TEX11: variants seen among roughly 807,000 people sequenced by gnomAD.
TEX11 encodes testis-expressed protein 11.
A neutral mutation model predicts 84.4 loss-of-function variants in TEX11; 7 were observed. The ratio of observed to expected loss-of-function variants is 0.08; its 90% CI spans 0.05 to 0.16. TEX11 has a LOEUF of 0.16. Among genes scored for constraint, TEX11 ranks in the 10% least tolerant of loss-of-function variants. The pLI, the probability that TEX11 is intolerant of heterozygous loss-of-function variation, is 1.00. For missense variants in TEX11, 551 were observed against 660.5 expected, an observed-to-expected ratio of 0.83 and a Z score of 1.82; for synonymous variants, 264 against 222.8, an observed-to-expected ratio of 1.18 and a Z score of -1.64.
chrX:70,732,883 G>A (rs983050054), intron 11 of TEX11, among the ~76,000 whole-genome samples: 5 of 111,689 alleles, frequency 4.5e-5, no homozygotes, highest in Admixed American at 9.6e-5. Context: ...GAAGCATCAC[G>A]CTACCTGACT....
intron 13 of TEX11, among the ~76,000 whole-genome samples, chrX:70,698,201 T>C (rs1334897588): frequency 9.0e-6 from 1 of 110,706 alleles, no homozygotes; most frequent in African/African-American, 3.3e-5. Flanking sequence ...TCACTTTTAG[T>C]TGTTTTGAAA....
chrX:70,676,491 T>C (rs2090072711), intron 15 of TEX11, among the ~76,000 whole-genome samples: 1 of 112,364 alleles, frequency 8.9e-6, no homozygotes, highest in African/African-American at 3.2e-5. Context: ...TTCCTCTGTA[T>C]ATAAGGTGTC....
At chrX:70,524,585 G>T, downstream of TEX11, among the ~76,000 whole-genome samples, 1 of 112,433 alleles carries the variant, frequency 8.9e-6, no homozygotes, top group South Asian at 3.6e-4. Flanking sequence ...TTGTTTTTTT[G>T]AGATGGAGTT....
intron 17 of TEX11, among the ~76,000 whole-genome samples, chrX:70,640,045 T>C (rs1189775098): frequency 1.9e-5 from 2 of 107,285 alleles, no homozygotes; most frequent in African/African-American, 6.7e-5. Flanking sequence ...AATGTATAAC[T>C]AGAATAACCA....
chrX:70,889,931 C>T (rs1602213644), intron 2 of TEX11, among the ~76,000 whole-genome samples: 1 of 111,374 alleles, frequency 9.0e-6, no homozygotes, highest in African/African-American at 3.3e-5. Context: ...TGAGTAAGTT[C>T]TTATCAATAA....
At chrX:70,892,940 G>T (rs1375298660) in intron 2 of TEX11, among the ~76,000 whole-genome samples, 1 of 110,247 alleles carries the variant, frequency 9.1e-6, no homozygotes, top group Non-Finnish European at 1.9e-5. Flanking sequence ...AACCAACAAA[G>T]ATCAAAAAAG....
intron 25 of TEX11, among the ~76,000 whole-genome samples, chrX:70,560,476 T>C (rs995579540): frequency 1.8e-5 from 2 of 110,956 alleles, no homozygotes; most frequent in Non-Finnish European, 3.8e-5. Context: ...CATTTTTTTA[T>C]TGGGTTATTT....
At chrX:70,589,334 CAT>C (rs1263439760) in intron 25 of TEX11, among the ~76,000 whole-genome samples, 2 of 108,795 alleles carry the variant, frequency 1.8e-5, no homozygotes, top group African/African-American at 3.3e-5. Flanking sequence ...TATATAGATA[CAT>C]ATATATATGT....
At chrX:70,733,323 G>A (rs144837655) in intron 11 of TEX11, among the ~76,000 whole-genome samples, 8,655 of 111,196 alleles carry the variant, frequency 0.078, 421 homozygotes, top group Admixed American at 0.24. Context: ...AAACTAAAGA[G>A]CTTCTGCACA....
intron 9 of TEX11, among the ~76,000 whole-genome samples, chrX:70,775,440 T>A (rs2090995264): frequency 1.8e-5 from 2 of 111,118 alleles, no homozygotes; most frequent in Admixed American, 1.9e-4. Flanking sequence ...CTATTCATTC[T>A]ACAAGGGACT....
chrX:70,578,488 G>A (rs1223577542), intron 25 of TEX11, among the ~76,000 whole-genome samples: 1 of 111,538 alleles, frequency 9.0e-6, no homozygotes, highest in Admixed American at 9.6e-5. Context: ...GTAATATCTG[G>A]ACTGGCATAT....
At chrX:70,582,375 G>A (rs2088788181) in intron 25 of TEX11, among the ~76,000 whole-genome samples, 1 of 112,034 alleles carries the variant, frequency 8.9e-6, no homozygotes, top group South Asian at 3.7e-4. Flanking sequence ...AACTGGGAAA[G>A]TTAAATTTTT....
chrX:70,565,895 T>C lies in TEX11; in HGVS notation c.2141-11095A>G, dbSNP rs752977464. Among the ~76,000 whole-genome samples the C allele has an allele frequency of 5.8e-3, 647 of 111,095 alleles. 5 individuals carry two copies. The highest frequency in any genetic ancestry group is 0.02 in the African/African-American group (621 of 30,579). On this transcript the variant is annotated intron_variant, in intron 25 of 29. Coordinates refer to ENST00000374333, the MANE Select transcript of TEX11 (RefSeq NM_031276.3). ...TTGACTTGGAGATGCAGGCTCTTTT[T>C]TGGTTCCATATGAACTTTAAAGTAG...
At chrX:70,851,335 C>T (rs4844267) in intron 7 of TEX11, among the ~76,000 whole-genome samples, 8,605 of 111,504 alleles carry the variant, frequency 0.077, 501 homozygotes, top group Admixed American at 0.27. Context: ...TAAGGTCATT[C>T]AATATGGGGA....
chrX:70,897,646 AGG>A (rs2091777366), intron 2 of TEX11: 1 of 93,178 alleles, frequency 1.1e-5, no homozygotes, highest in African/African-American at 4.2e-5. Flanking sequence ...GAAGGAAGGA[AGG>A]AAGGAAGGAA....
chrX:70,528,939 G>A, downstream of TEX11: 1 of 458,423 alleles, frequency 2.2e-6, no homozygotes, highest in Non-Finnish European at 3.8e-6. Flanking sequence ...GGTCACCAAG[G>A]TAAATTCAGC....
intron 9 of TEX11, among the ~76,000 whole-genome samples, chrX:70,771,775 T>A (rs1468123956): frequency 1.8e-5 from 2 of 111,868 alleles, no homozygotes; most frequent in African/African-American, 6.5e-5. Flanking sequence ...TTACCATAAC[T>A]AGAAAATAGG....
chrX:70,512,121 C>T, the TEX11 span, among the ~76,000 whole-genome samples: 3 of 108,238 alleles, frequency 2.8e-5, no homozygotes, highest in Non-Finnish European at 5.7e-5. Context: ...CAAAGCTATG[C>T]ACCTTTGCCA....
intron 9 of TEX11, among the ~76,000 whole-genome samples, chrX:70,794,113 G>A (rs1394059194): frequency 8.9e-6 from 1 of 111,861 alleles, no homozygotes; most frequent in South Asian, 3.8e-4. Context: ...ACTGAAGAGG[G>A]TAGGAAAGAC....
Sources: allele counts gnomAD v4.1 joint callset (sites outside exome capture counted in the v4.1 genomes callset), GRCh38; gene constraint gnomAD v4.1.1; transcripts MANE v1.5; gene names NCBI Gene and HGNC (gene_info 2026-07-23, HGNC 2026-07-21).